SLC25A38: variants seen among roughly 807,000 people sequenced by gnomAD.
SLC25A38 encodes the protein mitochondrial glycine transporter.
In SLC25A38, 27 loss-of-function variants were observed where a neutral mutation model predicts 33.4. That is an observed-to-expected ratio of 0.81 (90% CI 0.60 to 1.11). The LOEUF is 1.11. SLC25A38 is among the 50% of genes most tolerant of loss of function. The pLI is 0.00. For synonymous variants in SLC25A38, 123 were observed against 145.9 expected (o/e 0.84, Z 1.13); for missense variants, 344 against 388.8 (o/e 0.88, Z 0.97).
chr3:39,395,410 TA>T (rs11335930), intron 6 of SLC25A38, among the ~76,000 whole-genome samples: 40,465 of 150,308 alleles, frequency 0.27, 5,960 homozygotes, highest in Non-Finnish European at 0.32. Flanking sequence ...TTATTTAAAT[TA>T]AAAAAAAAAT....
chr3:39,391,668 G>C, intron 4 of SLC25A38, 48 bp downstream of exon 4: 3 of 1,613,092 alleles, frequency 1.9e-6, no homozygotes, highest in Non-Finnish European at 2.5e-6. Flanking sequence ...CTTAGCCACT[G>C]GGCTCCTGGG....
intron 2 of SLC25A38, among the ~76,000 whole-genome samples, chr3:39,390,013 T>G (rs1389133246): frequency 2.6e-5 from 4 of 152,204 alleles, no homozygotes; most frequent in African/African-American, 7.2e-5. Flanking sequence ...CGATCTCAGC[T>G]CACTGCAACC....
At chr3:39,391,830 C>G in intron 4 of SLC25A38, 23 bp from the exon 5 acceptor site, 1 of 1,612,930 alleles carries the variant, frequency 6.2e-7, no homozygotes, top group Non-Finnish European at 8.5e-7. Flanking sequence ...ATGCGAGTCA[C>G]TGGTTCTGTG....
chr3:39,393,804 G>A (rs1191380255), intron 5 of SLC25A38, among the ~76,000 whole-genome samples: 1 of 152,140 alleles, frequency 6.6e-6, no homozygotes, highest in Non-Finnish European at 1.5e-5. Context: ...TTAACCTACA[G>A]TCCATATTCT....
In SLC25A38 at chr3:39,392,770, G is replaced by A. The variant is rs1025908922; in HGVS notation, c.625+749G>A. Among the ~76,000 whole-genome samples the A allele has an allele frequency of 2.0e-5, 3 of 152,192 alleles. No homozygotes were observed. The South Asian group carries it at 6.2e-4, about 32-fold the overall frequency. Reference sequence around the variant, plus strand: ...TTTAATTAGGAATGTCAGCATGCCCGCCATCATGACTATGGGGACCAGCTA... The same window carrying A: ...TTTAATTAGGAATGTCAGCATGCCCACCATCATGACTATGGGGACCAGCTA... On this transcript the variant is annotated intron_variant, in intron 5 of 6. Coordinates refer to ENST00000650617, the MANE Select transcript of SLC25A38 (RefSeq NM_017875.4).
At chr3:39,394,277 A>T in intron 5 of SLC25A38, 133 bp from the exon 6 acceptor site, 2 of 1,131,670 alleles carry the variant, frequency 1.8e-6, no homozygotes, top group Non-Finnish European at 2.7e-6. Context: ...TTGCACCTTT[A>T]AGTTTTGAAT....
intron 1 of SLC25A38, among the ~76,000 whole-genome samples, chr3:39,387,282 G>C (rs1489328502): frequency 3.3e-5 from 5 of 152,164 alleles, no homozygotes; most frequent in Non-Finnish European, 7.3e-5. Flanking sequence ...TCTGTAAAAC[G>C]GGTTTAAAAT....
intron 4 of SLC25A38, 98 bp downstream of exon 4, chr3:39,391,718 A>G: frequency 1.2e-6 from 2 of 1,601,714 alleles, no homozygotes; most frequent in Admixed American, 1.7e-5. Context: ...GTAATCTAAC[A>G]TAGAGTCTGA....
In SLC25A38 at chr3:39,389,325, AT is replaced by A. The variant is rs1326125833; in HGVS notation, c.70-165del. On this transcript the variant is annotated intron_variant, in intron 1 of 6. Coordinates refer to ENST00000650617, the MANE Select transcript of SLC25A38 (RefSeq NM_017875.4). This position sits in a 1 kb window ranked among gnomAD's most constrained non-coding sequence, Gnocchi z 4.5. ...CCAATGTCCTCAATAACATTGCAGT[AT>A]TTTTAATTTCTGGCTATACTTTTTC... The A allele has an allele frequency of 1.0e-6, 1 of 1,004,584 alleles. No individual in the cohort carries two copies. The highest frequency in any genetic ancestry group is 1.5e-6 in the Non-Finnish European group (1 of 653,340). 62.2% of individuals were successfully genotyped at this position (1,004,584 alleles called of 1,614,324 possible).
Position 39,383,704 on chromosome 3 carries a change from G to A in SLC25A38, c.-21G>A, listed in dbSNP as rs1385997837. The A allele has an allele frequency of 4.3e-6, 7 of 1,613,860 alleles. No homozygotes were observed. In the Admixed American group the frequency reaches 5.0e-5, roughly 12 times the overall value. ...CGTCGACGGCACCCTGGGCCCAGAG[G>A]ACTCGCGGGCCTCATCTCCAATGAT... On this transcript the variant is annotated 5_prime_UTR_variant, in exon 1 of 7. Transcript: ENST00000650617.
At chr3:39,394,738 A>AT (rs1024657404) in intron 6 of SLC25A38, among the ~76,000 whole-genome samples, 162 bp downstream of exon 6, 23 of 150,606 alleles carry the variant, frequency 1.5e-4, no homozygotes, top group South Asian at 8.4e-4. Context: ...GTCTAGTGAG[A>AT]TTTTTTTTTT....
chr3:39,391,887 C>T lies in SLC25A38; in HGVS notation c.491C>T (p.Ala164Val), dbSNP rs750039251. Residue 164 changes from alanine to valine, a missense_variant, in exon 5 of 7, where the codon GCC (alanine) becomes GTC (valine). By Grantham distance (64) the Ala-to-Val change is moderately conservative. Around this residue, in one of 2 missense-constraint regions of SLC25A38, gnomAD observed 269 missense variants for 271.8 expected, o/e 0.99. Coordinates refer to ENST00000650617, the MANE Select transcript of SLC25A38 (RefSeq NM_017875.4). ...TATGGCTATGAGAGTATCTACGCTG[C>T]CCTGAGGAGCATCTATCACAGTGAG... ...GKYGYESIYA[A>V]LRSIYHSEGH... The T allele has an allele frequency of 2.5e-6, 4 of 1,613,936 alleles. No individual in the cohort carries two copies. The highest frequency in any genetic ancestry group is 1.7e-5 in the Admixed American group (1 of 60,020).
Position 39,386,337 on chromosome 3 carries a change from T to G in SLC25A38, c.69+2544T>G, listed in dbSNP as rs73058265. Among the ~76,000 whole-genome samples, 1,060 of 152,238 alleles carry G rather than the reference T, an allele frequency of 7.0e-3. 7 individuals carry two copies. The highest frequency in any genetic ancestry group is 8.5e-3 in the Non-Finnish European group (576 of 68,000). ...GGCCCACACCTATAATGCTAACACTTTGGGAGGCAGAGGTGAGCAGATTGC... is the reference window on the plus strand; with the variant it reads ...GGCCCACACCTATAATGCTAACACTGTGGGAGGCAGAGGTGAGCAGATTGC... On this transcript the variant is annotated intron_variant, in intron 1 of 6. Coordinates refer to ENST00000650617, the MANE Select transcript of SLC25A38 (RefSeq NM_017875.4).
chr3:39,387,281 C>T (rs149249621), intron 1 of SLC25A38, among the ~76,000 whole-genome samples: 25 of 152,248 alleles, frequency 1.6e-4, no homozygotes, highest in Admixed American at 8.5e-4. Context: ...ATCTGTAAAA[C>T]GGGTTTAAAA....
At chr3:39,396,271 T>C in intron 6 of SLC25A38, 127 bp from the exon 7 acceptor site, 2 of 1,480,520 alleles carry the variant, frequency 1.4e-6, no homozygotes, top group Non-Finnish European at 1.9e-6. Context: ...TATTCTTACT[T>C]TGGGCATAAA....
chr3:39,383,404 CACAGA>C lies in SLC25A38; in HGVS notation c.-318_-314del. The C allele has an allele frequency of 2.6e-6, 1 of 380,402 alleles. No homozygotes were observed. The allele number at this position is 380,402 out of a possible 1,614,324, so 23.6% of individuals were successfully genotyped here. ...CCGGCGCTTCCTCCACCCCGGGATACACAGAACCTCATCTCCTACGGTGCTGAAGC... is the reference window on the plus strand; with the variant it reads ...CCGGCGCTTCCTCCACCCCGGGATACACCTCATCTCCTACGGTGCTGAAGC... On this transcript the variant is annotated 5_prime_UTR_variant, in exon 1 of 7. Coordinates refer to ENST00000650617, the MANE Select transcript of SLC25A38 (RefSeq NM_017875.4).
chr3:39,395,311 G>C (rs1413732262), intron 6 of SLC25A38, among the ~76,000 whole-genome samples: 1 of 152,150 alleles, frequency 6.6e-6, no homozygotes, highest in Non-Finnish European at 1.5e-5. Flanking sequence ...GGTGGCTCAT[G>C]CTGGTAATCC....
At position 39,389,491 on chromosome 3, in the gene SLC25A38, G is replaced by T; in HGVS notation, c.70-4G>T. 6.2e-7 allele frequency: 1 copy of T among 1,614,194 alleles called. No homozygotes were observed. Among genetic ancestry groups the T allele is most frequent in the Non-Finnish European group, 8.5e-7 (1 of 1,180,034 alleles). On this transcript the variant is annotated splice_region_variant and splice_polypyrimidine_tract_variant and intron_variant, in intron 1 of 6. Coordinates refer to ENST00000650617, the MANE Select transcript of SLC25A38 (RefSeq NM_017875.4). This position sits in a 1 kb window ranked among gnomAD's most constrained non-coding sequence, Gnocchi z 4.5. ...TACTGACACAATATTGTCTTATCCT[G>T]CAGTTACATCCGGTGATCAAGGCTT...
At chr3:39,392,075 A>C in intron 5 of SLC25A38, 54 bp downstream of exon 5, 1 of 1,604,200 alleles carries the variant, frequency 6.2e-7, no homozygotes, top group Non-Finnish European at 8.5e-7. Flanking sequence ...TCAGATCCTC[A>C]CCATTTTCTC....
Sources: allele counts gnomAD v4.1 joint callset (sites outside exome capture counted in the v4.1 genomes callset), GRCh38; gene constraint gnomAD v4.1.1; regional missense constraint gnomAD v4.1.1; non-coding constraint Gnocchi (gnomAD v3.1); transcripts MANE v1.5; gene names NCBI Gene and HGNC (gene_info 2026-07-23, HGNC 2026-07-21).